The following NTRK3 variants were observed in gnomAD, a reference collection of about 807,000 sequenced individuals.
The protein encoded by NTRK3 is NT-3 growth factor receptor.
In NTRK3, 24 loss-of-function variants were observed where a neutral mutation model predicts 91.7. That is an observed-to-expected ratio of 0.26 (90% confidence interval 0.19 to 0.37). The LOEUF (loss-of-function observed/expected upper bound fraction) is 0.37, where lower values mean the gene tolerates loss of function less well. Among genes scored for constraint, NTRK3 ranks in the 10% least tolerant of loss-of-function variants. The pLI is 1.00. For synonymous variants in NTRK3, 483 were observed against 404.0 expected (o/e 1.20, Z -2.34); for missense variants, 880 against 1,068.9 (o/e 0.82, Z 2.46).
At position 88,233,165 on chromosome 15, in the gene NTRK3, T is replaced by C. The variant is rs1430438958; in HGVS notation, c.248+22741A>G. The stretch of plus-strand genomic sequence containing the variant: ...GGAGCCACCCCAGGCTATTTTCCTC[T>C]GGAGCTAAAGCCTGAATAAGCAAAA... On this transcript the variant is annotated intron_variant, in intron 3 of 18. Transcript: ENST00000394480. This position sits in a 1 kb window ranked among gnomAD's most constrained non-coding sequence, Gnocchi z 4.2. 6.6e-6 allele frequency among the ~76,000 whole-genome samples: 1 copy of C among 152,182 alleles called. No individual in the cohort carries two copies. The highest frequency in any genetic ancestry group is 6.5e-5 in the Admixed American group (1 of 15,280).
intron 14 of NTRK3, among the ~76,000 whole-genome samples, chr15:87,945,849 T>C (rs1258532235): frequency 6.6e-6 from 1 of 150,602 alleles, no homozygotes; most frequent in African/African-American, 2.4e-5. Context: ...ATTGAAATCC[T>C]GACCCTCTTA....
chr15:87,879,677 T>A lies in NTRK3; in HGVS notation c.2292+593A>T, dbSNP rs145703500. On this transcript the variant is annotated intron_variant, in intron 18 of 18. Transcript: ENST00000394480. ...TTAATTTATGTTTACTAGCATTTTTTATTATTGCAAATTACAATTATAAAA... is the reference window on the plus strand; with the variant it reads ...TTAATTTATGTTTACTAGCATTTTTAATTATTGCAAATTACAATTATAAAA... Among the ~76,000 whole-genome samples the A allele has an allele frequency of 3.0e-3, 460 of 152,370 alleles. 7 individuals carry two copies. In the South Asian group the frequency reaches 0.032, roughly 11 times the overall value.
chr15:88,096,900 A>T (rs1393520262), intron 13 of NTRK3, among the ~76,000 whole-genome samples: 1 of 152,220 alleles, frequency 6.6e-6, no homozygotes, highest in Admixed American at 6.5e-5. Flanking sequence ...CAAATAAATT[A>T]CCTGCACATC....
chr15:87,994,934 A>C (rs1374899472), intron 14 of NTRK3, among the ~76,000 whole-genome samples: 2 of 152,240 alleles, frequency 1.3e-5, no homozygotes, highest in African/African-American at 4.8e-5. Context: ...TGGATAAATG[A>C]AGATGACAGA....
At chr15:88,072,973 C>T in intron 13 of NTRK3, 1 of 212,958 alleles carries the variant, frequency 4.7e-6, no homozygotes. Context: ...ATCCTCACAA[C>T]AATCTTAGAA....
rs554309363 is a variant in NTRK3, at chr15:88,220,801, C to T, written c.248+35105G>A. ...TGGCCACAGGACTCCCCATTCCCAC[C>T]CCACAGTCAAGCCACTTGAAATAGG... On this transcript the variant is annotated intron_variant, in intron 3 of 18. Coordinates refer to ENST00000394480, the Ensembl canonical transcript of NTRK3. Among the ~76,000 whole-genome samples the T allele has an allele frequency of 7.2e-5, 11 of 152,268 alleles. No homozygotes were observed. The South Asian group carries it at 2.1e-3, about 29-fold the overall frequency.
chr15:88,093,846 T>C (rs919762128), intron 13 of NTRK3, among the ~76,000 whole-genome samples: 1 of 152,142 alleles, frequency 6.6e-6, no homozygotes, highest in Non-Finnish European at 1.5e-5. Context: ...TTAATATTAA[T>C]CATATTAGCT....
At chr15:88,055,644 G>T (rs549668950) in intron 13 of NTRK3, among the ~76,000 whole-genome samples, 7 of 151,986 alleles carry the variant, frequency 4.6e-5, no homozygotes, top group Non-Finnish European at 1.0e-4. Context: ...CCTTTCAATC[G>T]GTGATGAAAC....
chr15:88,036,407 C>T (rs1419272164), intron 13 of NTRK3, among the ~76,000 whole-genome samples: 2 of 147,496 alleles, frequency 1.4e-5, no homozygotes, highest in East Asian at 4.0e-4. Context: ...ACTTTTTAAC[C>T]TGGAAATCTA....
exon 19 of NTRK3, chr15:87,865,747 A>G (rs945089633): frequency 4.4e-6 from 1 of 225,942 alleles, no homozygotes; most frequent in South Asian, 1.8e-4. Context: ...CCATTTTGCT[A>G]CAAAATGTCA....
chr15:88,049,252 T>A (rs1300027781), intron 13 of NTRK3, among the ~76,000 whole-genome samples: 4 of 152,206 alleles, frequency 2.6e-5, no homozygotes, highest in Non-Finnish European at 5.9e-5. Flanking sequence ...CTATTTTAAG[T>A]CCTTAACAGT....
At position 87,956,861 on chromosome 15, in the gene NTRK3, G is replaced by A. The variant is rs576653723; in HGVS notation, c.1586-16108C>T. On this transcript the variant is annotated intron_variant, in intron 14 of 18. Coordinates refer to ENST00000394480, the Ensembl canonical transcript of NTRK3. ...TGCTGGGATTACAGGTGTGAGCCAC[G>A]CTGCTCTGTTTTTTAGGGCAGGGGT... Among the ~76,000 whole-genome samples the A allele has an allele frequency of 9.9e-5, 15 of 152,246 alleles. 1 individual carries two copies. In the South Asian group the frequency reaches 2.9e-3, roughly 29 times the overall value.
At chr15:88,060,533 G>C (rs1274508697) in intron 13 of NTRK3, among the ~76,000 whole-genome samples, 1 of 152,140 alleles carries the variant, frequency 6.6e-6, no homozygotes, top group Non-Finnish European at 1.5e-5. Context: ...CTGAGGGGAA[G>C]TGACCAGTGG....
At chr15:87,875,454 T>A (rs996213729) in exon 19 of NTRK3, 2 of 231,904 alleles carry the variant, frequency 8.6e-6, no homozygotes, top group African/African-American at 4.4e-5. Flanking sequence ...CCAGCACAGA[T>A]GTTTCCTTCC....
At chr15:88,043,095 TA>T (rs1398322788) in intron 13 of NTRK3, among the ~76,000 whole-genome samples, 1 of 152,200 alleles carries the variant, frequency 6.6e-6, no homozygotes, top group Admixed American at 6.5e-5. Flanking sequence ...CATAAGGATG[TA>T]GCTGTCAGGG....
At chr15:88,093,648 A>G (rs2049262241) in intron 13 of NTRK3, among the ~76,000 whole-genome samples, 1 of 152,178 alleles carries the variant, frequency 6.6e-6, no homozygotes, top group African/African-American at 2.4e-5. Flanking sequence ...TATGAAGAAC[A>G]TGTGGTCTGA....
chr15:88,053,853 T>C (rs1282471952), intron 13 of NTRK3, among the ~76,000 whole-genome samples: 1 of 152,198 alleles, frequency 6.6e-6, no homozygotes, highest in African/African-American at 2.4e-5. Flanking sequence ...TTAATGGAAC[T>C]GGTAAAAATC....
chr15:88,240,309 A>G lies in NTRK3; in HGVS notation c.248+15597T>C, dbSNP rs1443292303. ...AGAAAACTGAGACCTTAGAGACAAC[A>G]ATGCCCGATCCCGACACACCCGATA... On this transcript the variant is annotated intron_variant, in intron 3 of 18. Coordinates refer to ENST00000394480, the Ensembl canonical transcript of NTRK3. This position sits in a 1 kb window ranked among gnomAD's most constrained non-coding sequence, Gnocchi z 4.9. Among the ~76,000 whole-genome samples the G allele has an allele frequency of 6.6e-6, 1 of 152,078 alleles. No homozygotes were observed. The highest frequency in any genetic ancestry group is 1.5e-5 in the Non-Finnish European group (1 of 68,022).
chr15:88,195,490 T>C (rs16941412), intron 3 of NTRK3, among the ~76,000 whole-genome samples: 2,233 of 152,334 alleles, frequency 0.015, 57 homozygotes, highest in African/African-American at 0.043. Flanking sequence ...TACCAAGGTC[T>C]TGATTGGGAC....
Sources: allele counts gnomAD v4.1 joint callset (sites outside exome capture counted in the v4.1 genomes callset), GRCh38; gene constraint gnomAD v4.1.1; non-coding constraint Gnocchi (gnomAD v3.1); transcripts MANE v1.5; gene names NCBI Gene and HGNC (gene_info 2026-07-23, HGNC 2026-07-21).